CLPX: variants seen among roughly 807,000 people sequenced by gnomAD.
The protein encoded by CLPX is ATP-dependent clpX-like chaperone, mitochondrial.
CLPX carries 34 observed loss-of-function variants against 76.4 expected under a neutral mutation model. The observed-to-expected ratio is 0.45, with a 90% CI of 0.34 to 0.59. The LOEUF (loss-of-function observed/expected upper bound fraction) is 0.59, where lower values mean the gene tolerates loss of function less well. CLPX is among the 20% of genes least tolerant of loss of function. The probability of loss-of-function intolerance (pLI) is 0.01; values close to 1 mark genes in which losing one functional copy is unlikely to be tolerated. For synonymous variants in CLPX, 248 were observed against 270.9 expected, an observed-to-expected ratio of 0.92 and a Z score of 0.83; for missense variants, 613 against 757.0, an observed-to-expected ratio of 0.81 and a Z score of 2.23.
chr15:65,171,547 A>C (rs1235999865), intron 3 of CLPX, among the ~76,000 whole-genome samples: 4 of 152,242 alleles, frequency 2.6e-5, no homozygotes, highest in African/African-American at 9.6e-5. Flanking sequence ...TAAATGCTTA[A>C]AGAAAAAGAT....
Position 65,155,957 on chromosome 15 carries a change from G to A in CLPX, c.1147-101C>T, listed in dbSNP as rs2087784896. Reference sequence around the variant, plus strand: ...ATGGGGAAAACAATATGTGATTATAGTCAATGCACATACCTAATGAAACTC... The same window carrying A: ...ATGGGGAAAACAATATGTGATTATAATCAATGCACATACCTAATGAAACTC... On this transcript the variant is annotated intron_variant, in intron 9 of 13. Transcript: ENST00000300107. The A allele has an allele frequency of 2.0e-5, 20 of 991,010 alleles. No individual in the cohort carries two copies. In the East Asian group the frequency reaches 3.9e-4, roughly 19 times the overall value. 61.4% of individuals were successfully genotyped at this position (991,010 alleles called of 1,614,324 possible).
chr15:65,162,166 C>G (rs1227148647), intron 6 of CLPX, among the ~76,000 whole-genome samples: 1 of 152,120 alleles, frequency 6.6e-6, no homozygotes, highest in Non-Finnish European at 1.5e-5. Context: ...CCACACCCTC[C>G]ATCGGACCAT....
At chr15:65,168,084 C>T (rs1223489623) in intron 3 of CLPX, among the ~76,000 whole-genome samples, 2 of 151,588 alleles carry the variant, frequency 1.3e-5, no homozygotes, top group Non-Finnish European at 2.9e-5. Flanking sequence ...TAAAAAGAGT[C>T]TCTTTTTTCT....
chr15:65,167,266 T>C (rs574450063), intron 3 of CLPX, among the ~76,000 whole-genome samples: 70 of 152,184 alleles, frequency 4.6e-4, no homozygotes, highest in African/African-American at 1.6e-3. Flanking sequence ...AGACAGGATT[T>C]CACTATATTG....
At chr15:65,172,185 A>ACTCCCAAC (rs1274979803) in intron 3 of CLPX, among the ~76,000 whole-genome samples, 2 of 151,440 alleles carry the variant, frequency 1.3e-5, no homozygotes, top group African/African-American at 4.9e-5. Context: ...CTGGTCTCAA[A>ACTCCCAAC]CTCCCAACCT....
At chr15:65,172,284 CA>C (rs770663355) in intron 3 of CLPX, among the ~76,000 whole-genome samples, 16 of 152,138 alleles carry the variant, frequency 1.1e-4, no homozygotes, top group Admixed American at 3.9e-4. Flanking sequence ...ACTCCAAAAA[CA>C]AGGGGCAAAA....
chr15:65,155,309 T>TA (rs2087773997), intron 10 of CLPX, among the ~76,000 whole-genome samples: 1 of 152,160 alleles, frequency 6.6e-6, no homozygotes, highest in South Asian at 2.1e-4. Context: ...CTGTCTGCCT[T>TA]AGAGTTCTTG....
At chr15:65,176,556 T>C (rs1452482514) in intron 3 of CLPX, among the ~76,000 whole-genome samples, 2 of 152,114 alleles carry the variant, frequency 1.3e-5, no homozygotes, top group Non-Finnish European at 2.9e-5. Flanking sequence ...GTTTCTTTCC[T>C]TTTCTACTCT....
Position 65,153,639 on chromosome 15 carries a change from A to G in CLPX, c.1612T>C (p.Cys538Arg). 6.7e-7 allele frequency: 1 copy of G among 1,489,518 alleles called. No homozygotes were observed. Among genetic ancestry groups the G allele is most frequent in the Non-Finnish European group, 9.1e-7 (1 of 1,103,172 alleles). 92.3% of individuals were successfully genotyped at this position (1,489,518 alleles called of 1,614,324 possible). Residue 538 changes from cysteine (C) to arginine (R), a missense_variant and splice_region_variant, in exon 12 of 14, where the codon TGT becomes CGT. Physicochemically the swap from Cys to Arg is radical, Grantham distance 180. Coordinates refer to ENST00000300107, the MANE Select transcript of CLPX (RefSeq NM_006660.5). ...GCATCCTCAGTAACATTCAGTTCAC[A>G]CTACAAATACATTAAAAATAAATTA... ...QYQALFSMDK[C>R]ELNVTEDALK...
At chr15:65,160,144 A>T (rs1323097802) in intron 6 of CLPX, among the ~76,000 whole-genome samples, 3 of 152,206 alleles carry the variant, frequency 2.0e-5, no homozygotes, top group African/African-American at 7.2e-5. Flanking sequence ...TTGATTCAGA[A>T]AATCAGACTT....
intron 3 of CLPX, among the ~76,000 whole-genome samples, chr15:65,175,881 A>C (rs1372946619): frequency 2.0e-5 from 3 of 152,178 alleles, no homozygotes; most frequent in Non-Finnish European, 2.9e-5. Context: ...GGTACACAAA[A>C]CTAAGGGAGG....
chr15:65,152,816 T>G (rs1168919316), intron 12 of CLPX, among the ~76,000 whole-genome samples: 1 of 151,672 alleles, frequency 6.6e-6, no homozygotes, highest in Non-Finnish European at 1.5e-5. Flanking sequence ...AGGCTGGTCT[T>G]GAACTCCTGA....
chr15:65,160,625 A>T (rs28436068), intron 6 of CLPX, among the ~76,000 whole-genome samples: 2,753 of 41,464 alleles, frequency 0.066, 17 homozygotes, highest in East Asian at 0.21. Context: ...TCTCTCTCTC[A>T]CACACACACA....
rs1025801989 is a variant in CLPX at position 65,184,976 on chromosome 15, G to A, written c.79+99C>T. ...CCGCGCATTCCCTCACACTCCCCGGGTGCAGCAGGCCTCGTGCCCTCCCCG... is the reference window on the plus strand; with the variant it reads ...CCGCGCATTCCCTCACACTCCCCGGATGCAGCAGGCCTCGTGCCCTCCCCG... On this transcript the variant is annotated intron_variant, in intron 1 of 13. Coordinates refer to ENST00000300107, the MANE Select transcript of CLPX (RefSeq NM_006660.5). 15 of 988,130 alleles carry A rather than the reference G, an allele frequency of 1.5e-5. No individual in the cohort carries two copies. The African/African-American group carries it at 1.9e-4, about 13-fold the overall frequency. 61.2% of individuals were successfully genotyped at this position (988,130 alleles called of 1,614,324 possible).
At chr15:65,178,750 G>A (rs1299510297) in intron 3 of CLPX, among the ~76,000 whole-genome samples, 184 bp downstream of exon 3, 1 of 151,078 alleles carries the variant, frequency 6.6e-6, no homozygotes, top group Non-Finnish European at 1.5e-5. Flanking sequence ...TGCCCAGGCA[G>A]GTCTTGAACT....
At chr15:65,160,331 C>CT (rs1460178999) in intron 6 of CLPX, among the ~76,000 whole-genome samples, 4 of 152,082 alleles carry the variant, frequency 2.6e-5, no homozygotes, top group Non-Finnish European at 5.9e-5. Context: ...ATTGTGCTAC[C>CT]TTTGAGGGTT....
chr15:65,185,004 G>GCCCCCAACCATTGGCCAGTCCA, intron 1 of CLPX, 71 bp downstream of exon 1: 1 of 1,376,548 alleles, frequency 7.3e-7, no homozygotes, highest in African/African-American at 1.4e-5. Flanking sequence ...CCTCCCCGGG[G>GCCCCCAACCATTGGCCAGTCCA]CCCCCAACCA....
At position 65,150,769 on chromosome 15, in the gene CLPX, T is replaced by C. The variant is rs2087709066; in HGVS notation, c.*54A>G. ...TAATATCAGACTGTAGAGACAATTA[T>C]GATCCTAAACAAAAGAAGGAAAAGC... On this transcript the variant is annotated 3_prime_UTR_variant, in exon 14 of 14. Coordinates refer to ENST00000300107, the MANE Select transcript of CLPX (RefSeq NM_006660.5). 1 of 1,249,776 alleles carries C rather than the reference T, an allele frequency of 8.0e-7. No homozygotes were observed. Among genetic ancestry groups the C allele is most frequent in the Non-Finnish European group, 1.2e-6 (1 of 862,178 alleles). 77.4% of individuals were successfully genotyped at this position (1,249,776 alleles called of 1,614,324 possible). A position where few individuals can be genotyped will look rare whatever the true frequency, so the allele number is the denominator to read the frequency against.
chr15:65,155,403 C>T (rs1207414998), intron 10 of CLPX, among the ~76,000 whole-genome samples: 1 of 152,140 alleles, frequency 6.6e-6, no homozygotes, highest in Admixed American at 6.5e-5. Flanking sequence ...GCACCCACCA[C>T]TACTCCTGGC....
Sources: gnomAD v4.1 joint callset for allele counts (sites outside exome capture counted in the v4.1 genomes callset) on GRCh38, gnomAD v4.1.1 for gene constraint, MANE v1.5 for transcripts, NCBI Gene and HGNC (gene_info 2026-07-23, HGNC 2026-07-21) for gene names.